Variants in KIAA1328 observed in about 807,000 individuals in gnomAD.
KIAA1328 encodes the protein protein hinderin.
KIAA1328 carries 52 observed loss-of-function variants against 68.1 expected under a neutral mutation model. The observed-to-expected ratio is 0.76, with a 90% CI of 0.61 to 0.96. The LOEUF is 0.96. Ranked by LOEUF, KIAA1328 falls within the 40% of genes least tolerant of loss-of-function variation. The pLI, the probability that KIAA1328 is intolerant of heterozygous loss-of-function variation, is 0.00. For missense variants in KIAA1328, 641 were observed against 677.6 expected (o/e 0.95, Z 0.60); for synonymous variants, 232 against 239.4 (o/e 0.97, Z 0.28).
At chr18:37,174,380 C>CTTTT (rs757197220) in intron 9 of KIAA1328, among the ~76,000 whole-genome samples, 14 of 120,622 alleles carry the variant, frequency 1.2e-4, no homozygotes, top group African/African-American at 1.9e-4. Context: ...TGCTTTCTTC[C>CTTTT]TTTTTTTTTT....
chr18:36,891,501 T>C (rs2048686283), intron 5 of KIAA1328, among the ~76,000 whole-genome samples: 1 of 152,204 alleles, frequency 6.6e-6, no homozygotes, highest in African/African-American at 2.4e-5. Flanking sequence ...CGTTATATCA[T>C]TCTTATGCCT....
intron 7 of KIAA1328, among the ~76,000 whole-genome samples, chr18:37,151,060 G>A (rs2059017946): frequency 6.6e-6 from 1 of 152,104 alleles, no homozygotes; most frequent in Non-Finnish European, 1.5e-5. Flanking sequence ...AAGCTACAGA[G>A]ACAAGTACTA....
intron 5 of KIAA1328, among the ~76,000 whole-genome samples, chr18:36,892,805 C>G (rs908088343): frequency 3.3e-5 from 5 of 152,100 alleles, no homozygotes. Flanking sequence ...AAAGAAAGAA[C>G]TGATTGTTAC....
intron 6 of KIAA1328, among the ~76,000 whole-genome samples, chr18:36,999,883 CAA>C (rs751812226): frequency 4.0e-5 from 6 of 151,302 alleles, no homozygotes; most frequent in Non-Finnish European, 7.4e-5. Flanking sequence ...AAAAAAGAAA[CAA>C]ATGATACCAC....
chr18:36,935,091 G>A (rs1195515856), intron 5 of KIAA1328, among the ~76,000 whole-genome samples: 2 of 152,228 alleles, frequency 1.3e-5, no homozygotes, highest in Non-Finnish European at 2.9e-5. Flanking sequence ...TTAGGCTAGA[G>A]CAAGGCTTGC....
chr18:36,951,175 T>G (rs1457513057), intron 5 of KIAA1328, among the ~76,000 whole-genome samples: 1 of 152,226 alleles, frequency 6.6e-6, no homozygotes, highest in African/African-American at 2.4e-5. Flanking sequence ...TCCTTGACTA[T>G]TTGGGTCCTT....
chr18:36,927,191 G>A lies in KIAA1328; in HGVS notation c.449-32117G>A, dbSNP rs193029730. On this transcript the variant is annotated intron_variant, in intron 5 of 9. Transcript: ENST00000280020. Reference sequence around the variant, plus strand: ...ATATCAGCATAAAAGGGTCAGTAATGTAACAATGTTGGTTTTTCAGGTGTG... The same window carrying A: ...ATATCAGCATAAAAGGGTCAGTAATATAACAATGTTGGTTTTTCAGGTGTG... 6.6e-4 allele frequency among the ~76,000 whole-genome samples: 100 copies of A among 152,268 alleles called. 1 individual carries two copies. The highest frequency in any genetic ancestry group is 1.0e-4 in the Non-Finnish European group (7 of 68,020).
intron 6 of KIAA1328, among the ~76,000 whole-genome samples, chr18:37,021,162 C>T (rs2054331944): frequency 6.6e-6 from 1 of 152,166 alleles, no homozygotes; most frequent in African/African-American, 2.4e-5. Flanking sequence ...AAGCATGAAG[C>T]TGGGCAGTGC....
intron 4 of KIAA1328, among the ~76,000 whole-genome samples, chr18:36,885,028 TC>T (rs1424930935): frequency 2.6e-5 from 4 of 152,102 alleles, no homozygotes; most frequent in Admixed American, 6.6e-5. Context: ...GTTACTGTCA[TC>T]TTTTTATTTA....
intron 9 of KIAA1328, among the ~76,000 whole-genome samples, chr18:37,205,365 C>G (rs2060197937): frequency 6.6e-6 from 1 of 152,186 alleles, no homozygotes; most frequent in South Asian, 2.1e-4. Flanking sequence ...CCTAGATTCT[C>G]TGGGGCTGTC....
chr18:37,137,648 C>T (rs1158248100), intron 7 of KIAA1328, among the ~76,000 whole-genome samples: 1 of 152,160 alleles, frequency 6.6e-6, no homozygotes, highest in African/African-American at 2.4e-5. Context: ...ACTATTCTTT[C>T]TTTCTCTGCT....
chr18:36,980,860 TC>T lies in KIAA1328; in HGVS notation c.576+21429del, dbSNP rs2151372166. Among the ~76,000 whole-genome samples the T allele has an allele frequency of 2.0e-5, 3 of 152,312 alleles. No homozygotes were observed. The East Asian group carries it at 5.8e-4, about 29-fold the overall frequency. ...AGCTCTCCTTGCCTGCCACAGGCCATCCCCTTAAGATGGGACTTGCTTCTCC... is the reference window on the plus strand; with the variant it reads ...AGCTCTCCTTGCCTGCCACAGGCCATCCCTTAAGATGGGACTTGCTTCTCC... On this transcript the variant is annotated intron_variant, in intron 6 of 9. Transcript: ENST00000280020.
At chr18:37,130,402 G>A (rs556513269) in intron 7 of KIAA1328, among the ~76,000 whole-genome samples, 7 of 152,098 alleles carry the variant, frequency 4.6e-5, no homozygotes, top group East Asian at 1.9e-4. Context: ...GGCAGATCAC[G>A]CGATCAAGAG....
intron 7 of KIAA1328, among the ~76,000 whole-genome samples, chr18:37,140,661 A>G (rs564250700): frequency 4.6e-5 from 7 of 152,188 alleles, no homozygotes; most frequent in Non-Finnish European, 1.0e-4. Flanking sequence ...AGGGTGACTT[A>G]CAGTGTAGCA....
chr18:36,967,925 A>G (rs1446141507), intron 6 of KIAA1328, among the ~76,000 whole-genome samples: 2 of 152,378 alleles, frequency 1.3e-5, no homozygotes, highest in East Asian at 3.9e-4. Flanking sequence ...TTCAAGAAAT[A>G]TAGGATTACG....
chr18:37,089,371 C>CTT (rs3085910), intron 7 of KIAA1328, among the ~76,000 whole-genome samples: 77 of 95,272 alleles, frequency 8.1e-4, no homozygotes, highest in Non-Finnish European at 1.1e-3. Flanking sequence ...AAGGTAGTGG[C>CTT]TTTTTTTTTT....
chr18:37,146,241 C>T (rs1259244741), intron 7 of KIAA1328, among the ~76,000 whole-genome samples: 2 of 152,080 alleles, frequency 1.3e-5, no homozygotes, highest in South Asian at 2.1e-4. Context: ...TACCTCCTCC[C>T]GTCCTGCACC....
At chr18:37,052,559 C>T (rs1051016336) in intron 6 of KIAA1328, among the ~76,000 whole-genome samples, 1 of 151,912 alleles carries the variant, frequency 6.6e-6, no homozygotes, top group African/African-American at 2.4e-5. Context: ...TATCTCTGTT[C>T]ACTGACGACA....
chr18:37,179,022 G>C (rs2059649113), intron 9 of KIAA1328, among the ~76,000 whole-genome samples: 2 of 152,116 alleles, frequency 1.3e-5, no homozygotes, highest in Non-Finnish European at 2.9e-5. Context: ...CCATTCTGCA[G>C]GTTGTCTCAT....
Sources: gnomAD v4.1 joint callset for allele counts (sites outside exome capture counted in the v4.1 genomes callset) on GRCh38, gnomAD v4.1.1 for gene constraint, MANE v1.5 for transcripts, NCBI Gene and HGNC (gene_info 2026-07-23, HGNC 2026-07-21) for gene names.